The following LRMDA variants were observed in gnomAD, a reference collection of about 807,000 sequenced individuals.
LRMDA encodes the protein leucine rich melanocyte differentiation associated, also known as leucine-rich melanocyte differentiation-associated protein.
In LRMDA, 18 loss-of-function variants were observed where a neutral mutation model predicts 29.8. The observed-to-expected ratio is 0.60, with a 90% CI of 0.42 to 0.90. LRMDA has a LOEUF of 0.90. LRMDA is among the 40% of genes least tolerant of loss of function. The pLI, the probability that LRMDA is intolerant of heterozygous loss-of-function variation, is 0.00. For synonymous variants in LRMDA, 125 were observed against 109.4 expected (o/e 1.14, Z -0.89); for missense variants, 273 against 273.9 (o/e 1.00, Z 0.02).
chr10:75,866,073 TTCTTC>T (rs1440976437), intron 2 of LRMDA, among the ~76,000 whole-genome samples: 4 of 152,236 alleles, frequency 2.6e-5, no homozygotes, highest in Non-Finnish European at 2.9e-5. Context: ...GAGATTTTAT[TTCTTC>T]TCTTCTATTC....
intron 2 of LRMDA, among the ~76,000 whole-genome samples, chr10:75,503,295 T>A (rs1013384074): frequency 1.6e-4 from 25 of 152,164 alleles, no homozygotes; most frequent in Non-Finnish European, 2.2e-4. Flanking sequence ...TTCATTGGCT[T>A]CTTCTAGAAC....
At chr10:75,545,245 G>T (rs180933745) in intron 2 of LRMDA, among the ~76,000 whole-genome samples, 16 of 152,222 alleles carry the variant, frequency 1.1e-4, no homozygotes, top group African/African-American at 3.6e-4. Flanking sequence ...ATATAGAAAT[G>T]AGATCTTGGT....
intron 6 of LRMDA, among the ~76,000 whole-genome samples, chr10:76,491,972 A>T (rs1210818489): frequency 6.6e-6 from 1 of 152,054 alleles, no homozygotes; most frequent in Non-Finnish European, 1.5e-5. Flanking sequence ...CTCTGCTGAT[A>T]GGAGACTCTG....
intron 2 of LRMDA, among the ~76,000 whole-genome samples, chr10:75,691,154 A>T (rs1842148548): frequency 9.2e-6 from 1 of 108,652 alleles, no homozygotes; most frequent in Non-Finnish European, 1.8e-5. Context: ...ATATCTATAT[A>T]CATAGATATA....
chr10:76,051,487 C>T (rs1848530979), intron 4 of LRMDA, among the ~76,000 whole-genome samples: 1 of 152,216 alleles, frequency 6.6e-6, no homozygotes, highest in Admixed American at 6.5e-5. Context: ...TTGTTGTCAT[C>T]TCTCTGAGCA....
At chr10:76,446,820 C>T (rs1394959555) in intron 6 of LRMDA, among the ~76,000 whole-genome samples, 1 of 152,188 alleles carries the variant, frequency 6.6e-6, no homozygotes, top group Non-Finnish European at 1.5e-5. Flanking sequence ...TAATTCCACT[C>T]AGAGCCCTTT....
At chr10:76,202,737 T>C (rs1439764751) in intron 5 of LRMDA, among the ~76,000 whole-genome samples, 1 of 152,006 alleles carries the variant, frequency 6.6e-6, no homozygotes, top group Non-Finnish European at 1.5e-5. Flanking sequence ...GTTTAGCTCA[T>C]GGAAGGGGAA....
At chr10:76,276,851 C>T (rs527662582) in intron 5 of LRMDA, among the ~76,000 whole-genome samples, 13 of 152,210 alleles carry the variant, frequency 8.5e-5, no homozygotes, top group Middle Eastern at 3.4e-3. Flanking sequence ...TTCGTGGGTT[C>T]CAATCTTGGT....
chr10:76,304,687 T>C (rs1589419522), intron 5 of LRMDA, among the ~76,000 whole-genome samples: 1 of 152,164 alleles, frequency 6.6e-6, no homozygotes, highest in Non-Finnish European at 1.5e-5. Context: ...TAATTTACCA[T>C]TTAGTATTTA....
At chr10:76,548,480 C>T (rs947841400) in intron 6 of LRMDA, among the ~76,000 whole-genome samples, 25 of 150,108 alleles carry the variant, frequency 1.7e-4, no homozygotes, top group Non-Finnish European at 8.9e-5. Flanking sequence ...TAACCTGAGG[C>T]TAAAAAACAA....
At chr10:75,887,109 G>C (rs1015839748) in intron 2 of LRMDA, among the ~76,000 whole-genome samples, 2 of 151,244 alleles carry the variant, frequency 1.3e-5, no homozygotes, top group Admixed American at 1.3e-4. Context: ...CACAGGGAAC[G>C]AAGAGGTGAT....
At chr10:76,159,697 A>G (rs919586652) in intron 5 of LRMDA, among the ~76,000 whole-genome samples, 1 of 152,200 alleles carries the variant, frequency 6.6e-6, no homozygotes, top group Non-Finnish European at 1.5e-5. Flanking sequence ...ATGCTATTCA[A>G]CACTAAAAAG....
intron 6 of LRMDA, among the ~76,000 whole-genome samples, chr10:76,479,043 A>G (rs1842709335): frequency 1.3e-5 from 2 of 151,748 alleles, no homozygotes; most frequent in African/African-American, 2.4e-5. Flanking sequence ...AACTTAAAGT[A>G]TAATAAAAAT....
intron 2 of LRMDA, among the ~76,000 whole-genome samples, chr10:76,001,846 T>C (rs1471309076): frequency 6.6e-6 from 1 of 152,140 alleles, no homozygotes; most frequent in Non-Finnish European, 1.5e-5. Flanking sequence ...AACCAAATTG[T>C]ATACTGCAAC....
At chr10:75,791,583 A>G (rs1485937267) in intron 2 of LRMDA, among the ~76,000 whole-genome samples, 1 of 152,222 alleles carries the variant, frequency 6.6e-6, no homozygotes, top group East Asian at 1.9e-4. Flanking sequence ...TCCACAGAAA[A>G]GTCAAATTCT....
At chr10:75,568,926 C>T (rs1840404074) in intron 2 of LRMDA, among the ~76,000 whole-genome samples, 2 of 152,204 alleles carry the variant, frequency 1.3e-5, no homozygotes, top group Admixed American at 6.5e-5. Context: ...AATTCCACCA[C>T]TGACACCACC....
intron 6 of LRMDA, among the ~76,000 whole-genome samples, chr10:76,444,290 C>T (rs963683034): frequency 3.3e-5 from 5 of 152,150 alleles, no homozygotes; most frequent in African/African-American, 9.7e-5. Context: ...CACCCAGGCT[C>T]AGCCCAGCAA....
intron 2 of LRMDA, among the ~76,000 whole-genome samples, chr10:75,698,823 G>T (rs747195759): frequency 2.0e-5 from 3 of 152,150 alleles, no homozygotes; most frequent in Admixed American, 1.3e-4. Flanking sequence ...TTTCTACAGA[G>T]GTTCCTCAAT....
chr10:76,365,287 T>C lies in LRMDA; in HGVS notation c.601+40802T>C, dbSNP rs564878877. Among the ~76,000 whole-genome samples the C allele has an allele frequency of 4.1e-4, 62 of 152,062 alleles. No homozygotes were observed. The South Asian group carries it at 0.013, about 31-fold the overall frequency. On this transcript the variant is annotated intron_variant, in intron 6 of 6. Transcript: ENST00000611255. ...CCAGTAGTGGGGTTGCTGGATCAAATGGTAGTTCTACTTTTAGTTCTTTAA... is the reference window on the plus strand; with the variant it reads ...CCAGTAGTGGGGTTGCTGGATCAAACGGTAGTTCTACTTTTAGTTCTTTAA...
Sources: allele counts gnomAD v4.1 joint callset (sites outside exome capture counted in the v4.1 genomes callset), GRCh38; gene constraint gnomAD v4.1.1; transcripts MANE v1.5; gene names NCBI Gene and HGNC (gene_info 2026-07-23, HGNC 2026-07-21).